The following FHIT variants were observed in gnomAD, a reference collection of about 807,000 sequenced individuals.
FHIT encodes fragile histidine triad diadenosine triphosphatase.
A neutral mutation model predicts 17.9 loss-of-function variants in FHIT; 19 were observed. That is an observed-to-expected ratio of 1.06 (90% CI 0.74 to 1.56). FHIT has a LOEUF of 1.56. Among genes scored for constraint, FHIT ranks in the 40% most tolerant of loss-of-function variants. FHIT has a pLI of 0.00. For synonymous variants in FHIT, 81 were observed against 69.7 expected, an observed-to-expected ratio of 1.16 and a Z score of -0.81; for missense variants, 248 against 189.2, an observed-to-expected ratio of 1.31 and a Z score of -1.82.
In FHIT at chr3:60,177,885, T is replaced by A. The variant is rs372172300; in HGVS notation, c.104-163733A>T. Among the ~76,000 whole-genome samples, 8 of 152,290 alleles carry A rather than the reference T, an allele frequency of 5.3e-5. No individual in the cohort carries two copies. In the East Asian group the frequency reaches 1.3e-3, roughly 26 times the overall value. ...CTGGACTGGGTCAGTGCTGTGAATC[T>A]GAGAGGAGATAATGTACTTCAAGTC... On this transcript the variant is annotated intron_variant, in intron 5 of 9. Coordinates refer to ENST00000492590, the MANE Select transcript of FHIT (RefSeq NM_002012.4).
At chr3:60,142,866 CAACTT>C (rs1156991002) in intron 5 of FHIT, among the ~76,000 whole-genome samples, 4 of 151,876 alleles carry the variant, frequency 2.6e-5, no homozygotes, top group Non-Finnish European at 4.4e-5. Context: ...AAATATAACT[CAACTT>C]AAGAACAGAT....
At chr3:61,214,876 C>T (rs1176025403) in intron 1 of FHIT, among the ~76,000 whole-genome samples, 2 of 152,142 alleles carry the variant, frequency 1.3e-5, no homozygotes, top group African/African-American at 4.8e-5. Flanking sequence ...TAAATGTAAT[C>T]CAGCATATAA....
At chr3:60,405,484 C>G (rs1225653464) in intron 5 of FHIT, among the ~76,000 whole-genome samples, 3 of 152,184 alleles carry the variant, frequency 2.0e-5, no homozygotes, top group Admixed American at 2.0e-4. Flanking sequence ...TCTTCTCTGA[C>G]CTCCTCACCC....
chr3:60,951,931 C>T (rs868976207), intron 3 of FHIT, among the ~76,000 whole-genome samples: 1 of 152,020 alleles, frequency 6.6e-6, no homozygotes, highest in African/African-American at 2.4e-5. Context: ...TTTGGGAGGC[C>T]AAGGCGAGTG....
chr3:60,974,192 C>T (rs1710142012), intron 3 of FHIT, among the ~76,000 whole-genome samples: 1 of 152,194 alleles, frequency 6.6e-6, no homozygotes, highest in Admixed American at 6.5e-5. Flanking sequence ...TCTGCAGTAA[C>T]ATTTCCCATT....
intron 4 of FHIT, among the ~76,000 whole-genome samples, chr3:60,650,438 G>C (rs564746041): frequency 6.6e-6 from 1 of 152,108 alleles, no homozygotes; most frequent in Non-Finnish European, 1.5e-5. Flanking sequence ...GGGTCTGGTA[G>C]TCAGTCCACT....
At chr3:60,209,835 C>A (rs753157412) in intron 5 of FHIT, among the ~76,000 whole-genome samples, 3 of 152,052 alleles carry the variant, frequency 2.0e-5, no homozygotes, top group East Asian at 1.9e-4. Context: ...AACACAGGAA[C>A]AGAACACCAA....
intron 5 of FHIT, among the ~76,000 whole-genome samples, chr3:60,461,388 C>A (rs2032453675): frequency 6.6e-6 from 1 of 152,172 alleles, no homozygotes; most frequent in South Asian, 2.1e-4. Flanking sequence ...TCTCCAGCAG[C>A]CCCTAGAGAC....
chr3:60,128,092 T>A (rs932073985), intron 5 of FHIT, among the ~76,000 whole-genome samples: 3 of 152,208 alleles, frequency 2.0e-5, no homozygotes, highest in Non-Finnish European at 4.4e-5. Flanking sequence ...TGAAACAACA[T>A]TGAGTATTTA....
At chr3:61,225,453 G>A (rs1384905453) in intron 1 of FHIT, among the ~76,000 whole-genome samples, 2 of 152,192 alleles carry the variant, frequency 1.3e-5, no homozygotes, top group African/African-American at 4.8e-5. Flanking sequence ...CAGGAGGCAT[G>A]TTCTAAAATG....
At chr3:60,614,552 C>A (rs372411093) in intron 4 of FHIT, among the ~76,000 whole-genome samples, 49 of 152,092 alleles carry the variant, frequency 3.2e-4, no homozygotes, top group African/African-American at 1.2e-3. Flanking sequence ...TGCAGTGAGA[C>A]GAGATCGATC....
chr3:61,148,454 C>T (rs1479420552), intron 2 of FHIT, among the ~76,000 whole-genome samples: 1 of 152,132 alleles, frequency 6.6e-6, no homozygotes, highest in Non-Finnish European at 1.5e-5. Context: ...TGGAAGCATA[C>T]AGTATGCATT....
chr3:61,180,965 T>C (rs1399337144), intron 2 of FHIT, among the ~76,000 whole-genome samples: 2 of 152,202 alleles, frequency 1.3e-5, no homozygotes, highest in Non-Finnish European at 2.9e-5. Flanking sequence ...AATATATGCA[T>C]TTCAAGTACA....
intron 8 of FHIT, among the ~76,000 whole-genome samples, chr3:59,887,616 G>A (rs1039250337): frequency 3.9e-5 from 6 of 152,168 alleles, no homozygotes; most frequent in African/African-American, 9.7e-5. Flanking sequence ...AAAGTACCAC[G>A]TGTGCAGATA....
chr3:60,005,723 G>C (rs1699898625), intron 7 of FHIT, among the ~76,000 whole-genome samples: 1 of 152,168 alleles, frequency 6.6e-6, no homozygotes, highest in African/African-American at 2.4e-5. Context: ...TATTAACATA[G>C]TCAGGGCACT....
rs544417798 is a variant in FHIT at position 60,370,445 on chromosome 3, G to A, written c.103+166415C>T. Among the ~76,000 whole-genome samples the A allele has an allele frequency of 9.9e-5, 15 of 152,154 alleles. 1 individual carries two copies. Among genetic ancestry groups the A allele is most frequent in the South Asian group, 2.1e-4 (1 of 4,816 alleles). On this transcript the variant is annotated intron_variant, in intron 5 of 9. Transcript: ENST00000492590. ...TAGTGTCAATTCACTAAAGATGCCC[G>A]TGTCAACATTTCAAGGTCGCGCCTC...
At chr3:60,772,965 C>A (rs140862342) in intron 4 of FHIT, among the ~76,000 whole-genome samples, 1 of 152,150 alleles carries the variant, frequency 6.6e-6, no homozygotes, top group Non-Finnish European at 1.5e-5. Context: ...GCCATCCCTA[C>A]GCCTTCGCCC....
intron 5 of FHIT, among the ~76,000 whole-genome samples, chr3:60,458,129 C>T (rs1475321991): frequency 1.3e-5 from 2 of 152,160 alleles, no homozygotes; most frequent in African/African-American, 4.8e-5. Context: ...AAGACACATG[C>T]ACACGTATGT....
intron 4 of FHIT, among the ~76,000 whole-genome samples, chr3:60,677,302 C>A (rs2040643674): frequency 6.6e-6 from 1 of 152,168 alleles, no homozygotes; most frequent in Non-Finnish European, 1.5e-5. Context: ...TACTACCTCA[C>A]TCCCCTCCCA....
Sources: gnomAD v4.1 joint callset for allele counts (sites outside exome capture counted in the v4.1 genomes callset) on GRCh38, gnomAD v4.1.1 for gene constraint, MANE v1.5 for transcripts, NCBI Gene and HGNC (gene_info 2026-07-23, HGNC 2026-07-21) for gene names.